The following NEK11 variants were observed in gnomAD, a reference collection of about 807,000 sequenced individuals.
NEK11 encodes the protein serine/threonine-protein kinase Nek11.
A neutral mutation model predicts 80.7 loss-of-function variants in NEK11; 72 were observed. The observed-to-expected ratio is 0.89, with a 90% confidence interval of 0.74 to 1.08. The LOEUF is 1.08. NEK11 is among the 50% of genes least tolerant of loss of function. The pLI, the probability that NEK11 is intolerant of heterozygous loss-of-function variation, is 0.00. For synonymous variants in NEK11, 251 were observed against 260.7 expected (o/e 0.96, Z 0.36); for missense variants, 764 against 763.6 (o/e 1.00, Z -0.01).
chr3:131,280,470 C>G (rs1370054057), intron 17 of NEK11, among the ~76,000 whole-genome samples: 1 of 151,888 alleles, frequency 6.6e-6, no homozygotes, highest in Non-Finnish European at 1.5e-5. Flanking sequence ...AATGTCTAAT[C>G]TACTGTTAAT....
chr3:131,346,530 T>C (rs2097365256), intron 17 of NEK11, among the ~76,000 whole-genome samples: 1 of 152,080 alleles, frequency 6.6e-6, no homozygotes, highest in African/African-American at 2.4e-5. Context: ...GGTACAGCCA[T>C]GGAGTAGGTA....
At chr3:131,320,568 A>T (rs750866862) in intron 17 of NEK11, among the ~76,000 whole-genome samples, 2 of 152,024 alleles carry the variant, frequency 1.3e-5, no homozygotes, top group Non-Finnish European at 2.9e-5. Flanking sequence ...CCTGAAATTG[A>T]TGGTAACTCC....
intron 17 of NEK11, among the ~76,000 whole-genome samples, chr3:131,285,274 G>A (rs911582394): frequency 5.3e-5 from 8 of 151,920 alleles, no homozygotes; most frequent in African/African-American, 1.7e-4. Flanking sequence ...GGGCAAGGAA[G>A]GAAACAGGAG....
intron 16 of NEK11, among the ~76,000 whole-genome samples, chr3:131,267,599 T>C (rs1408201700): frequency 6.6e-6 from 1 of 151,976 alleles, no homozygotes; most frequent in African/African-American, 2.4e-5. Flanking sequence ...TAACCTGACC[T>C]TTCTCTCTCT....
intron 10 of NEK11, among the ~76,000 whole-genome samples, chr3:131,157,322 C>G (rs2090845199): frequency 6.6e-6 from 1 of 151,604 alleles, no homozygotes; most frequent in Non-Finnish European, 1.5e-5. Context: ...TTTTGGTGCC[C>G]CCTTAGATTT....
rs1553878444 is a variant in NEK11, at chr3:131,115,956, T to TTCTTTCTTTCTTTCTTTCTTTCTTTC, written c.455+6037_455+6062dup. ...TTTCTTTCTTTCTTTCTTTCTTTCT[T>TTCTTTCTTTCTTTCTTTCTTTCTTTC]TCTTTCTTTCTTTCTTTCTTTCTTT... On this transcript the variant is annotated intron_variant, in intron 5 of 17. Coordinates refer to ENST00000383366, the MANE Select transcript of NEK11 (RefSeq NM_024800.5). Among the ~76,000 whole-genome samples, 138 of 143,770 alleles carry TTCTTTCTTTCTTTCTTTCTTTCTTTC rather than the reference T, an allele frequency of 9.6e-4. 1 individual carries two copies. Among genetic ancestry groups the TTCTTTCTTTCTTTCTTTCTTTCTTTC allele is most frequent in the East Asian group, 2.8e-3 (13 of 4,700 alleles). 94.3% of individuals were successfully genotyped at this position (143,770 alleles called of 152,430 possible).
intron 10 of NEK11, among the ~76,000 whole-genome samples, chr3:131,161,556 T>G (rs1183477418): frequency 6.6e-6 from 1 of 152,116 alleles, no homozygotes; most frequent in East Asian, 1.9e-4. Flanking sequence ...CTGGAGGCCA[T>G]TATCCTTAGC....
intron 3 of NEK11, among the ~76,000 whole-genome samples, chr3:131,036,448 T>C (rs1162890863): frequency 6.6e-6 from 1 of 152,236 alleles, no homozygotes; most frequent in African/African-American, 2.4e-5. Flanking sequence ...GTGATTCATA[T>C]GTGTCACTAG....
At chr3:131,050,730 C>A (rs901063234) in intron 3 of NEK11, among the ~76,000 whole-genome samples, 4 of 152,148 alleles carry the variant, frequency 2.6e-5, no homozygotes. Context: ...AGTAAAAGTT[C>A]TCTGAAAGTA....
chr3:131,050,701 C>T (rs1480533097), intron 3 of NEK11, among the ~76,000 whole-genome samples: 2 of 152,114 alleles, frequency 1.3e-5, no homozygotes, highest in Non-Finnish European at 2.9e-5. Flanking sequence ...ATATTTTCCA[C>T]ATATATAGAA....
In NEK11 at chr3:131,101,590, G is replaced by A. The variant is rs538034320; in HGVS notation, c.337-8213G>A. Among the ~76,000 whole-genome samples the A allele has an allele frequency of 6.6e-5, 10 of 152,308 alleles. No homozygotes were observed. The South Asian group carries it at 1.9e-3, about 28-fold the overall frequency. On this transcript the variant is annotated intron_variant, in intron 4 of 17. Coordinates refer to ENST00000383366, the MANE Select transcript of NEK11 (RefSeq NM_024800.5). Reference sequence around the variant, plus strand: ...TATTTTTATGCACTGTGGTCTGAGAGTATGCTTGGTATGATTTCAAGTTTT... The same window carrying A: ...TATTTTTATGCACTGTGGTCTGAGAATATGCTTGGTATGATTTCAAGTTTT...
chr3:131,197,984 C>G (rs1372207790), intron 14 of NEK11, among the ~76,000 whole-genome samples: 1 of 152,152 alleles, frequency 6.6e-6, no homozygotes, highest in African/African-American at 2.4e-5. Context: ...CTCCTAATGG[C>G]TTCCTGATGT....
At chr3:131,104,887 G>A (rs1223214105) in intron 4 of NEK11, among the ~76,000 whole-genome samples, 1 of 152,148 alleles carries the variant, frequency 6.6e-6, no homozygotes, top group Non-Finnish European at 1.5e-5. Context: ...TGGTCCTTGG[G>A]GACTCTCACT....
intron 17 of NEK11, among the ~76,000 whole-genome samples, chr3:131,336,289 A>T (rs1237518122): frequency 6.6e-6 from 1 of 152,256 alleles, no homozygotes; most frequent in Non-Finnish European, 1.5e-5. Flanking sequence ...AATGGAACAG[A>T]ACAGAGCCCT....
chr3:131,134,074 CT>C (rs1198713832), intron 7 of NEK11, 118 bp downstream of exon 7: 6 of 855,494 alleles, frequency 7.0e-6, no homozygotes, highest in Non-Finnish European at 1.0e-5. Context: ...ATGAATATTT[CT>C]GTGACCAGAG....
At chr3:131,252,259 G>T (rs1020668943) in intron 16 of NEK11, among the ~76,000 whole-genome samples, 4 of 152,080 alleles carry the variant, frequency 2.6e-5, no homozygotes, top group Non-Finnish European at 5.9e-5. Flanking sequence ...CTCATTATCT[G>T]CCTAGGCACT....
chr3:131,292,134 A>T (rs749932742), intron 17 of NEK11, among the ~76,000 whole-genome samples: 11 of 152,220 alleles, frequency 7.2e-5, no homozygotes, highest in Non-Finnish European at 1.6e-4. Flanking sequence ...AATTATTTGC[A>T]TATGGATGTA....
At chr3:131,175,210 G>A in intron 14 of NEK11, 3 of 726,466 alleles carry the variant, frequency 4.1e-6, no homozygotes, top group Non-Finnish European at 5.1e-6. Flanking sequence ...CTTTTAGATA[G>A]TTATCTGAAA....
chr3:131,189,438 G>A (rs905594699), intron 14 of NEK11, among the ~76,000 whole-genome samples: 1 of 152,104 alleles, frequency 6.6e-6, no homozygotes, highest in African/African-American at 2.4e-5. Context: ...TCTGGCAAGG[G>A]CCTATTTTCT....
Sources: gnomAD v4.1 joint callset for allele counts (sites outside exome capture counted in the v4.1 genomes callset) on GRCh38, gnomAD v4.1.1 for gene constraint, MANE v1.5 for transcripts, NCBI Gene and HGNC (gene_info 2026-07-23, HGNC 2026-07-21) for gene names.